The following SLC30A9 variants were observed in gnomAD, a reference collection of about 807,000 sequenced individuals.
The protein encoded by SLC30A9 is proton-coupled zinc antiporter SLC30A9, mitochondrial.
In SLC30A9, 58 loss-of-function variants were observed where a neutral mutation model predicts 87.5. The observed-to-expected ratio is 0.66, with a 90% CI of 0.54 to 0.82. SLC30A9 has a LOEUF of 0.82. Among genes scored for constraint, SLC30A9 ranks in the 40% least tolerant of loss-of-function variants. The pLI, the probability that SLC30A9 is intolerant of heterozygous loss-of-function variation, is 0.00. For synonymous variants in SLC30A9, 234 were observed against 233.0 expected, an observed-to-expected ratio of 1.00 and a Z score of -0.04; for missense variants, 557 against 679.1, an observed-to-expected ratio of 0.82 and a Z score of 2.00.
chr4:41,995,828 G>A (rs1714675598), intron 1 of SLC30A9, among the ~76,000 whole-genome samples: 1 of 152,200 alleles, frequency 6.6e-6, no homozygotes, highest in Admixed American at 6.5e-5. Flanking sequence ...TCCCACTTCA[G>A]CCTTCTGAGT....
chr4:42,024,722 C>T (rs186959464), intron 6 of SLC30A9, among the ~76,000 whole-genome samples: 13 of 152,230 alleles, frequency 8.5e-5, no homozygotes, highest in African/African-American at 2.9e-4. Context: ...CTTGCCCATG[C>T]TGGATATTAA....
At chr4:42,037,418 T>C (rs1361906262) in intron 7 of SLC30A9, among the ~76,000 whole-genome samples, 2 of 152,056 alleles carry the variant, frequency 1.3e-5, no homozygotes, top group African/African-American at 4.8e-5. Flanking sequence ...TTAATACCTT[T>C]CTACTTTCCC....
At chr4:42,044,279 G>C (rs1577704833) in intron 8 of SLC30A9, among the ~76,000 whole-genome samples, 1 of 150,754 alleles carries the variant, frequency 6.6e-6, no homozygotes. Context: ...TGGATAAAGA[G>C]TCAAGACCCA....
chr4:41,998,395 G>C (rs923918047), intron 1 of SLC30A9, among the ~76,000 whole-genome samples: 1 of 151,758 alleles, frequency 6.6e-6, no homozygotes, highest in African/African-American at 2.4e-5. Flanking sequence ...CTTGAAAAAA[G>C]AATATTAATG....
intron 10 of SLC30A9, 45 bp downstream of exon 10, chr4:42,060,291 G>A: frequency 7.1e-7 from 1 of 1,406,584 alleles, no homozygotes; most frequent in South Asian, 1.2e-5. Flanking sequence ...TTGGCGATAA[G>A]TCATTGAAAT....
chr4:42,022,842 C>A lies in SLC30A9; in HGVS notation c.439C>A (p.Leu147Ile). ...INEFCLKSSD[L>I]EQLRKIRRRS... ...TCAACATGTTTCTTTCTCTAGTGAT[C>A]TAGAACAACTTCGAAAAATCAGACG... Residue 147 changes from leucine to isoleucine, a missense_variant, in exon 5 of 18, where the codon CTA becomes ATA. Leu to Ile is a conservative substitution (Grantham distance 5). Around this residue, in one of 2 missense-constraint regions of SLC30A9, gnomAD observed 467 missense variants for 529.8 expected, o/e 0.88. Transcript: ENST00000264451. The A allele has an allele frequency of 6.3e-7, 1 of 1,584,404 alleles. No homozygotes were observed. Among genetic ancestry groups the A allele is most frequent in the Non-Finnish European group, 8.6e-7 (1 of 1,158,736 alleles).
intron 2 of SLC30A9, among the ~76,000 whole-genome samples, chr4:42,015,291 A>T (rs1480856378): frequency 6.6e-6 from 1 of 152,220 alleles, no homozygotes; most frequent in African/African-American, 2.4e-5. Context: ...ATACAGTCTT[A>T]TAAATTCCAA....
intron 8 of SLC30A9, among the ~76,000 whole-genome samples, chr4:42,045,220 A>G (rs1012985600): frequency 4.6e-5 from 7 of 152,202 alleles, no homozygotes; most frequent in African/African-American, 1.7e-4. Flanking sequence ...TCAGAGCAGA[A>G]CTGAAAGAGA....
chr4:42,024,426 A>C (rs144296929), intron 6 of SLC30A9, among the ~76,000 whole-genome samples: 8 of 152,338 alleles, frequency 5.3e-5, no homozygotes, highest in African/African-American at 1.9e-4. Flanking sequence ...AATCTACCTC[A>C]TTCTTTTTAA....
chr4:41,997,419 T>C (rs983719661), intron 1 of SLC30A9, among the ~76,000 whole-genome samples: 14 of 152,098 alleles, frequency 9.2e-5, no homozygotes, highest in Non-Finnish European at 1.9e-4. Context: ...ATAATTTAGC[T>C]ATGGACACAT....
rs1156285599 is a variant in SLC30A9 at position 42,070,627 on chromosome 4, C to T, written c.1354C>T (p.Arg452Trp). ...IYTNTEALLG[R>W]SIQPEQVQRL... is the part of the protein sequence containing the mutation. Reference sequence around the variant, plus strand: ...CACTAACACAGAAGCACTCTTAGGGCGGTCCATCCAGCCAGAACAAGTACA... The same window carrying T: ...CACTAACACAGAAGCACTCTTAGGGTGGTCCATCCAGCCAGAACAAGTACA... Residue 452 changes from arginine to tryptophan, a missense_variant, in exon 15 of 18, where the codon CGG becomes TGG. Around this residue, in one of 2 missense-constraint regions of SLC30A9, gnomAD observed 90 missense variants for 149.4 expected, o/e 0.60. Coordinates refer to ENST00000264451, the MANE Select transcript of SLC30A9 (RefSeq NM_006345.4). 3.7e-6 allele frequency: 6 copies of T among 1,613,968 alleles called. No homozygotes were observed. Among genetic ancestry groups the T allele is most frequent in the Admixed American group, 1.7e-5 (1 of 60,012 alleles).
At chr4:42,041,759 G>A (rs1052244555) in intron 8 of SLC30A9, among the ~76,000 whole-genome samples, 4 of 152,174 alleles carry the variant, frequency 2.6e-5, no homozygotes, top group African/African-American at 4.8e-5. Context: ...CAGCTAGGGG[G>A]TGGCGGGCAA....
chr4:42,064,605 C>T (rs1456419779), intron 11 of SLC30A9, among the ~76,000 whole-genome samples: 1 of 152,150 alleles, frequency 6.6e-6, no homozygotes, highest in African/African-American at 2.4e-5. Flanking sequence ...TAGCGTTCTT[C>T]TAATTTGTAT....
chr4:42,066,777 G>A lies in SLC30A9; in HGVS notation c.1144+156G>A, dbSNP rs191125051. 2.3e-3 allele frequency among the ~76,000 whole-genome samples: 354 copies of A among 152,226 alleles called. 2 individuals carry two copies. Among genetic ancestry groups the A allele is most frequent in the Middle Eastern group, 0.017 (5 of 294 alleles). ...CATATCCTTCAGCCCTTATTAAAAAGAAATGTAGTATAGAAATTTGAACAT... is the reference window on the plus strand; with the variant it reads ...CATATCCTTCAGCCCTTATTAAAAAAAAATGTAGTATAGAAATTTGAACAT... On this transcript the variant is annotated intron_variant, in intron 13 of 17. Transcript: ENST00000264451.
At chr4:42,033,903 A>T (rs1330370986) in intron 6 of SLC30A9, among the ~76,000 whole-genome samples, 3 of 152,188 alleles carry the variant, frequency 2.0e-5, no homozygotes, top group Admixed American at 1.3e-4. Flanking sequence ...TAACTCTGTC[A>T]TGAGGACTAT....
At chr4:42,012,612 A>G (rs1715497985) in intron 2 of SLC30A9, among the ~76,000 whole-genome samples, 2 of 152,222 alleles carry the variant, frequency 1.3e-5, no homozygotes, top group Non-Finnish European at 2.9e-5. Flanking sequence ...TAAACCAATT[A>G]CATTCTGTAA....
intron 6 of SLC30A9, among the ~76,000 whole-genome samples, chr4:42,031,332 G>A (rs866672124): frequency 6.6e-6 from 1 of 151,410 alleles, no homozygotes; most frequent in South Asian, 2.1e-4. Context: ...AGTTCCAGAA[G>A]TGTTTTTCAG....
chr4:42,058,058 T>C (rs1717692803), intron 9 of SLC30A9, among the ~76,000 whole-genome samples: 1 of 145,160 alleles, frequency 6.9e-6, no homozygotes, highest in Non-Finnish European at 1.5e-5. Flanking sequence ...GCCAAGATCG[T>C]GCCACTGCAT....
chr4:42,041,708 C>T (rs892106476), intron 8 of SLC30A9, among the ~76,000 whole-genome samples: 3 of 152,154 alleles, frequency 2.0e-5, no homozygotes, highest in Non-Finnish European at 4.4e-5. Context: ...TGCACTCCAA[C>T]GTGGGCAAGA....
Sources: allele counts gnomAD v4.1 joint callset (sites outside exome capture counted in the v4.1 genomes callset), GRCh38; gene constraint gnomAD v4.1.1; regional missense constraint gnomAD v4.1.1; transcripts MANE v1.5; gene names NCBI Gene and HGNC (gene_info 2026-07-23, HGNC 2026-07-21).